Variants in NF1 observed in about 807,000 individuals in gnomAD.
NF1 encodes the protein neurofibromin.
NF1 carries 122 observed loss-of-function variants against 325.7 expected under a neutral mutation model. The ratio of observed to expected loss-of-function variants is 0.37; its 90% CI spans 0.32 to 0.44. The LOEUF is 0.44. Among genes scored for constraint, NF1 ranks in the 20% least tolerant of loss-of-function variants. The pLI is 1.00. For synonymous variants in NF1, 1,091 were observed against 1,186.0 expected (o/e 0.92, Z 1.65); for missense variants, 2,140 against 3,415.4 (o/e 0.63, Z 9.31).
intron 36 of NF1, among the ~76,000 whole-genome samples, chr17:31,309,686 T>A (rs143555527): frequency 6.6e-6 from 1 of 152,324 alleles, no homozygotes; most frequent in East Asian, 1.9e-4. Context: ...CTCTTTTCAG[T>A]TAGCTGAAAA....
chr17:31,284,405 C>T (rs2068184035), intron 36 of NF1, among the ~76,000 whole-genome samples: 1 of 152,090 alleles, frequency 6.6e-6, no homozygotes, highest in Non-Finnish European at 1.5e-5. Flanking sequence ...GCCTCAGTCT[C>T]CCGAGTAGCT....
chr17:31,126,657 G>A (rs1463205843), intron 1 of NF1, among the ~76,000 whole-genome samples: 1 of 151,940 alleles, frequency 6.6e-6, no homozygotes. Context: ...CCCCAGGCTG[G>A]TCTTGAATTC....
chr17:31,156,259 T>C, intron 2 of NF1, 133 bp downstream of exon 2: 1 of 1,096,910 alleles, frequency 9.1e-7, no homozygotes, highest in Non-Finnish European at 1.3e-6. Context: ...AATCTTATTT[T>C]GTTTACGAGC....
chr17:31,372,183 T>G (rs968435491), intron 57 of NF1, among the ~76,000 whole-genome samples: 1 of 152,142 alleles, frequency 6.6e-6, no homozygotes, highest in Non-Finnish European at 1.5e-5. Flanking sequence ...CATACAGAGG[T>G]AAAATATATT....
chr17:31,284,743 C>G (rs1206050232), intron 36 of NF1, among the ~76,000 whole-genome samples: 1 of 152,144 alleles, frequency 6.6e-6, no homozygotes, highest in Non-Finnish European at 1.5e-5. Context: ...TTTGAATCAC[C>G]TATGGTTCAT....
intron 3 of NF1, among the ~76,000 whole-genome samples, chr17:31,161,424 A>G (rs930355483): frequency 6.6e-6 from 1 of 152,212 alleles, no homozygotes; most frequent in East Asian, 1.9e-4. Context: ...ACAATTGTAC[A>G]CATTTTTGTT....
intron 36 of NF1, among the ~76,000 whole-genome samples, chr17:31,291,679 CTGT>C (rs1407281475): frequency 8.5e-5 from 13 of 152,054 alleles, no homozygotes; most frequent in African/African-American, 2.2e-4. Context: ...AAGGAATTTG[CTGT>C]TGTTTGATAG....
intron 1 of NF1, among the ~76,000 whole-genome samples, chr17:31,103,190 T>C (rs1419725612): frequency 6.6e-6 from 1 of 152,084 alleles, no homozygotes; most frequent in African/African-American, 2.4e-5. Flanking sequence ...CCCTACTCTT[T>C]TTATTTGACT....
chr17:31,353,039 G>C (rs2070190386), intron 51 of NF1, among the ~76,000 whole-genome samples: 1 of 152,048 alleles, frequency 6.6e-6, no homozygotes, highest in Non-Finnish European at 1.5e-5. Context: ...CTCCCTAGTA[G>C]CTGGGTTTAC....
rs141578905 is a variant in NF1 at position 31,143,496 on chromosome 17, C to T, written c.61-12487C>T. 7.0e-3 allele frequency among the ~76,000 whole-genome samples: 1,071 copies of T among 151,992 alleles called. 11 individuals carry two copies. The highest frequency in any genetic ancestry group is 0.037 in the South Asian group (180 of 4,804). On this transcript the variant is annotated intron_variant, in intron 1 of 57. Coordinates refer to ENST00000358273, the MANE Select transcript of NF1 (RefSeq NM_001042492.3). ...TTGTTGCCCAGGCTGGTCTGAAACT[C>T]CTGGGCTCAAGTGGTCATCCTTCCT...
In NF1 at chr17:31,235,606, C is replaced by G. The variant is rs1390680821; in HGVS notation, c.3709-5C>G. On this transcript the variant is annotated splice_polypyrimidine_tract_variant and splice_region_variant and intron_variant, in intron 27 of 57. Coordinates refer to ENST00000358273, the MANE Select transcript of NF1 (RefSeq NM_001042492.3). ...TGCACTAACCTGATTTTGTTTTGTTCTCAGGATGAACTAGCTCGAGTTCTG... is the reference window on the plus strand; with the variant it reads ...TGCACTAACCTGATTTTGTTTTGTTGTCAGGATGAACTAGCTCGAGTTCTG... The G allele has an allele frequency of 6.2e-7, 1 of 1,613,850 alleles. No individual in the cohort carries two copies. The highest frequency in any genetic ancestry group is 8.5e-7 in the Non-Finnish European group (1 of 1,179,966).
chr17:31,228,607 A>AC (rs1236019805), intron 20 of NF1, among the ~76,000 whole-genome samples: 1 of 151,136 alleles, frequency 6.6e-6, no homozygotes, highest in African/African-American at 2.4e-5. Context: ...GCCTCTAACC[A>AC]CCCCCCACCC....
chr17:31,196,482 A>G (rs1174645312), intron 8 of NF1, among the ~76,000 whole-genome samples: 1 of 152,048 alleles, frequency 6.6e-6, no homozygotes, highest in Non-Finnish European at 1.5e-5. Flanking sequence ...CACTCTGTGG[A>G]TTGTTGTTTC....
At position 31,149,829 on chromosome 17, in the gene NF1, C is replaced by G. The variant is rs73989993; in HGVS notation, c.61-6154C>G. 3.3e-3 allele frequency among the ~76,000 whole-genome samples: 508 copies of G among 152,238 alleles called. 3 individuals carry two copies. Among genetic ancestry groups the G allele is most frequent in the African/African-American group, 0.011 (444 of 41,542 alleles). ...CTTGAGGAGGGCACTGTGGGAAGCTCTTGCCATGTAAGGTTTGTCTTACAA... is the reference window on the plus strand; with the variant it reads ...CTTGAGGAGGGCACTGTGGGAAGCTGTTGCCATGTAAGGTTTGTCTTACAA... On this transcript the variant is annotated intron_variant, in intron 1 of 57. Transcript: ENST00000358273.
At chr17:31,311,358 A>G (rs926150226) in intron 36 of NF1, among the ~76,000 whole-genome samples, 1 of 152,220 alleles carries the variant, frequency 6.6e-6, no homozygotes, top group Admixed American at 6.5e-5. Context: ...TTATCTTTTA[A>G]AGAGAATCAA....
intron 1 of NF1, among the ~76,000 whole-genome samples, chr17:31,095,647 C>T (rs1214930435): frequency 6.6e-6 from 1 of 152,158 alleles, no homozygotes; most frequent in Non-Finnish European, 1.5e-5. Flanking sequence ...CCCTTTATCC[C>T]AGCCCTTCCG....
intron 57 of NF1, among the ~76,000 whole-genome samples, chr17:31,366,688 A>G (rs2070529092): frequency 6.6e-6 from 1 of 152,210 alleles, no homozygotes; most frequent in Non-Finnish European, 1.5e-5. Context: ...CAAGAGTTCA[A>G]GTCTGGCCTG....
chr17:31,290,961 G>A (rs1172466379), intron 36 of NF1, among the ~76,000 whole-genome samples: 1 of 149,884 alleles, frequency 6.7e-6, no homozygotes. Flanking sequence ...AGCCAAGATC[G>A]CACCACTGCA....
Position 31,350,257 on chromosome 17 carries a change from A to T in NF1, c.7396A>T (p.Ile2466Phe), listed in dbSNP as rs748027595. ...TAGAAAGTCACTTCTTCTTACTGAT[A>T]TTTCAATGGAAAATGTTCCTATGGA... is the stretch of plus-strand genomic sequence containing the variant. ...KHRKSLLLTD[I>F]SMENVPMDTY... Residue 2466 changes from isoleucine to phenylalanine, a missense_variant, in exon 50 of 58, where the codon ATT (isoleucine) becomes TTT (phenylalanine). Physicochemically the swap from Ile to Phe is conservative, Grantham distance 21 (BLOSUM62 0). Transcript: ENST00000358273. 6.2e-7 allele frequency: 1 copy of T among 1,613,658 alleles called. No individual in the cohort carries two copies. The highest frequency in any genetic ancestry group is 1.1e-5 in the South Asian group (1 of 91,066).
Sources: gnomAD v4.1 joint callset for allele counts (sites outside exome capture counted in the v4.1 genomes callset) on GRCh38, gnomAD v4.1.1 for gene constraint, MANE v1.5 for transcripts, NCBI Gene and HGNC (gene_info 2026-07-23, HGNC 2026-07-21) for gene names.